The following ERC1 variants were observed in gnomAD, a reference collection of about 807,000 sequenced individuals.
ERC1 encodes the protein ELKS/RAB6-interacting/CAST family member 1.
ERC1 carries 56 observed loss-of-function variants against 132.0 expected under a neutral mutation model. The ratio of observed to expected loss-of-function variants is 0.42; its 90% CI spans 0.34 to 0.53. ERC1 has a LOEUF of 0.53. ERC1 is among the 20% of genes least tolerant of loss of function. The probability of loss-of-function intolerance (pLI) is 0.03; values close to 1 mark genes in which losing one functional copy is unlikely to be tolerated. For missense variants in ERC1, 1,202 were observed against 1,349.9 expected (o/e 0.89, Z 1.72); for synonymous variants, 478 against 476.1 (o/e 1.00, Z -0.05).
At chr12:1,095,809 G>A (rs1328380282) in intron 3 of ERC1, among the ~76,000 whole-genome samples, 1 of 152,196 alleles carries the variant, frequency 6.6e-6, no homozygotes, top group Admixed American at 6.5e-5. Context: ...GAACTGTAAG[G>A]TGCAGGCTTC....
At chr12:1,194,195 C>G (rs1326053023) in intron 12 of ERC1, among the ~76,000 whole-genome samples, 1 of 152,082 alleles carries the variant, frequency 6.6e-6, no homozygotes, top group African/African-American at 2.4e-5. Context: ...CTGAGGCAGG[C>G]GGATCACCTG....
At chr12:1,390,376 C>T (rs959529777) in intron 16 of ERC1, among the ~76,000 whole-genome samples, 4 of 151,892 alleles carry the variant, frequency 2.6e-5, no homozygotes, top group Non-Finnish European at 5.9e-5. Context: ...CAGTAAATAC[C>T]AACTGTCTAT....
chr12:1,212,040 T>A (rs1957929799), intron 12 of ERC1, among the ~76,000 whole-genome samples: 1 of 152,164 alleles, frequency 6.6e-6, no homozygotes, highest in Non-Finnish European at 1.5e-5. Context: ...GCAAAAGCTA[T>A]CTAATGCTTC....
intron 7 of ERC1, 117 bp from the exon 8 acceptor site, chr12:1,141,503 C>A: frequency 1.4e-6 from 1 of 722,170 alleles, no homozygotes; most frequent in Non-Finnish European, 2.1e-6. Context: ...GTAGATAATA[C>A]TACTTTTATA....
intron 15 of ERC1, among the ~76,000 whole-genome samples, chr12:1,358,580 G>A (rs1307623096): frequency 6.6e-6 from 1 of 152,116 alleles, no homozygotes; most frequent in Admixed American, 6.5e-5. Flanking sequence ...AACTCAGTAG[G>A]TCTGGAGTAG....
At chr12:1,281,691 C>G (rs2078688352) in intron 14 of ERC1, among the ~76,000 whole-genome samples, 2 of 152,116 alleles carry the variant, frequency 1.3e-5, no homozygotes, top group African/African-American at 4.8e-5. Context: ...TAATATTTTG[C>G]TGTCAAAGCA....
intron 15 of ERC1, among the ~76,000 whole-genome samples, chr12:1,340,936 G>A (rs1042918495): frequency 6.6e-6 from 1 of 151,802 alleles, no homozygotes; most frequent in Non-Finnish European, 1.5e-5. Flanking sequence ...TCCAGTTCTT[G>A]TTATTTTCAT....
chr12:1,185,158 C>T (rs1954935164), intron 11 of ERC1, among the ~76,000 whole-genome samples: 1 of 152,154 alleles, frequency 6.6e-6, no homozygotes, highest in African/African-American at 2.4e-5. Flanking sequence ...ATCCACCCGC[C>T]TCAGCCTCCC....
At chr12:1,396,144 A>G (rs552727624) in intron 16 of ERC1, among the ~76,000 whole-genome samples, 4 of 152,236 alleles carry the variant, frequency 2.6e-5, no homozygotes, top group Non-Finnish European at 5.9e-5. Flanking sequence ...AAACTGTGCT[A>G]GTTGAGATGT....
intron 15 of ERC1, among the ~76,000 whole-genome samples, chr12:1,328,005 T>TTC (rs139753655): frequency 0.023 from 3,514 of 152,298 alleles, 127 homozygotes; most frequent in African/African-American, 0.08. Context: ...ATCATTTTGC[T>TTC]TCTCTCTTCA....
chr12:1,068,485 A>G (rs1270513495), intron 2 of ERC1, among the ~76,000 whole-genome samples: 2 of 89,692 alleles, frequency 2.2e-5, no homozygotes, highest in Admixed American at 2.2e-4. Flanking sequence ...TTTAGGAATT[A>G]AAAAAAAAAG....
intron 18 of ERC1, among the ~76,000 whole-genome samples, chr12:1,455,930 A>G (rs2093524233): frequency 6.6e-6 from 1 of 152,182 alleles, no homozygotes; most frequent in Non-Finnish European, 1.5e-5. Context: ...ACGGAGTGGG[A>G]AAGTTCGATA....
chr12:1,194,461 A>G lies in ERC1; in HGVS notation c.2351+4409A>G, dbSNP rs553986594. ...TAAAATAAAATAAATTAAATAAAGT[A>G]CTTAGAAGCGTACTGGAGGCTGATA... On this transcript the variant is annotated intron_variant, in intron 12 of 18. Coordinates refer to ENST00000360905, the MANE Select transcript of ERC1 (RefSeq NM_178040.4). Among the ~76,000 whole-genome samples the G allele has an allele frequency of 2.2e-4, 34 of 152,154 alleles. No individual in the cohort carries two copies. The South Asian group carries it at 6.0e-3, about 27-fold the overall frequency.
intron 15 of ERC1, among the ~76,000 whole-genome samples, chr12:1,338,357 T>C (rs1280136258): frequency 1.3e-5 from 2 of 152,224 alleles, no homozygotes; most frequent in Non-Finnish European, 2.9e-5. Flanking sequence ...ATTATGAAAT[T>C]CTTATAGTGT....
At chr12:1,403,449 A>G (rs947194968) in intron 16 of ERC1, among the ~76,000 whole-genome samples, 3 of 152,212 alleles carry the variant, frequency 2.0e-5, no homozygotes, top group Non-Finnish European at 4.4e-5. Flanking sequence ...TCTGTGTAAC[A>G]TCTAATGCTC....
At chr12:1,147,704 G>A (rs575872932) in intron 8 of ERC1, among the ~76,000 whole-genome samples, 17 of 152,044 alleles carry the variant, frequency 1.1e-4, no homozygotes, top group African/African-American at 2.4e-4. Flanking sequence ...TTAAAATTTC[G>A]CTGGTTATTG....
intron 18 of ERC1, among the ~76,000 whole-genome samples, chr12:1,466,500 G>C (rs2093746544): frequency 6.6e-6 from 1 of 152,120 alleles, no homozygotes; most frequent in South Asian, 2.1e-4. Context: ...GACATTATGG[G>C]TAAAATAGGC....
chr12:1,397,409 G>A (rs918077908), intron 16 of ERC1, among the ~76,000 whole-genome samples: 3 of 152,144 alleles, frequency 2.0e-5, no homozygotes, highest in African/African-American at 7.2e-5. Context: ...AAATAACCCA[G>A]TTGTGCCACA....
At position 997,788 on chromosome 12, in the gene ERC1, G is replaced by T. The variant is rs147242775; in HGVS notation, c.-157+6466G>T. On this transcript the variant is annotated intron_variant, in intron 1 of 18. Coordinates refer to ENST00000360905, the MANE Select transcript of ERC1 (RefSeq NM_178040.4). The stretch of plus-strand genomic sequence containing the variant: ...TACCAGCCTCATTTCCCAGTATTGG[G>T]TGTGGAGTGGAAGAGACTGAGTAGC... 8.6e-3 allele frequency among the ~76,000 whole-genome samples: 1,308 copies of T among 152,324 alleles called. 15 individuals are homozygous for T. The highest frequency in any genetic ancestry group is 0.015 in the Non-Finnish European group (1,021 of 68,032).
Sources: gnomAD v4.1 joint callset for allele counts (sites outside exome capture counted in the v4.1 genomes callset) on GRCh38, gnomAD v4.1.1 for gene constraint, MANE v1.5 for transcripts, NCBI Gene and HGNC (gene_info 2026-07-23, HGNC 2026-07-21) for gene names.